Variants in CADM2 observed in about 807,000 individuals in gnomAD.
CADM2 encodes cell adhesion molecule 2.
In CADM2, 12 loss-of-function variants were observed where a neutral mutation model predicts 49.8. The ratio of observed to expected loss-of-function variants is 0.24; its 90% CI spans 0.15 to 0.39. The LOEUF is 0.39. CADM2 is among the 10% of genes least tolerant of loss of function. The pLI is 1.00. For synonymous variants in CADM2, 214 were observed against 175.4 expected (o/e 1.22, Z -1.74); for missense variants, 378 against 492.3 (o/e 0.77, Z 2.20).
chr3:85,394,633 TCATATAACCGTGGCTTATTTTATAGC>T (rs1358694325), intron 1 of CADM2, among the ~76,000 whole-genome samples: 4 of 152,208 alleles, frequency 2.6e-5, no homozygotes, highest in Non-Finnish European at 5.9e-5. Context: ...CTTATTGTAC[TCATATAACCGTGGCTTATTTTATAGC>T]CAGTTCACAT....
chr3:85,886,084 C>CTTGTCAAT, intron 4 of CADM2, 106 bp from the exon 5 acceptor site: 7 of 1,505,746 alleles, frequency 4.6e-6, no homozygotes, highest in Non-Finnish European at 6.3e-6. Flanking sequence ...GATCGAACTT[C>CTTGTCAAT]TTGTCAATTA....
At chr3:85,577,423 TTGCTCTCTCGCACG>T (rs932608039) in intron 1 of CADM2, among the ~76,000 whole-genome samples, 5 of 152,248 alleles carry the variant, frequency 3.3e-5, no homozygotes, top group Admixed American at 1.3e-4. Context: ...TCCTGCCCCG[TTGCTCTCTCGCACG>T]TGCTCTCTTG....
intron 8 of CADM2, among the ~76,000 whole-genome samples, chr3:86,061,046 C>T (rs1227743578): frequency 6.6e-6 from 1 of 151,040 alleles, no homozygotes; most frequent in Non-Finnish European, 1.5e-5. Flanking sequence ...AATATTTAAA[C>T]ATTTTCAATG....
At chr3:85,091,328 C>T (rs1467810723) in intron 1 of CADM2, among the ~76,000 whole-genome samples, 1 of 151,944 alleles carries the variant, frequency 6.6e-6, no homozygotes, top group East Asian at 1.9e-4. Flanking sequence ...TGTAAAGAAA[C>T]CCTATAGCTT....
intron 1 of CADM2, among the ~76,000 whole-genome samples, chr3:85,716,136 T>C (rs942543432): frequency 1.3e-5 from 2 of 152,340 alleles, no homozygotes; most frequent in African/African-American, 4.8e-5. Context: ...TGTAAAAGTG[T>C]TCCTATTTCT....
intron 8 of CADM2, among the ~76,000 whole-genome samples, chr3:86,024,900 T>G (rs1246750557): frequency 6.6e-6 from 1 of 151,748 alleles, no homozygotes; most frequent in Non-Finnish European, 1.5e-5. Context: ...TTTTCTTTCT[T>G]GAGACAGAGT....
intron 2 of CADM2, among the ~76,000 whole-genome samples, chr3:85,771,843 C>G (rs970175324): frequency 6.6e-6 from 1 of 151,968 alleles, no homozygotes; most frequent in African/African-American, 2.4e-5. Context: ...GGATTTTGCT[C>G]TTTCCCAAAA....
intron 1 of CADM2, among the ~76,000 whole-genome samples, chr3:85,438,917 G>A (rs1450169014): frequency 6.6e-6 from 1 of 151,828 alleles, no homozygotes; most frequent in Non-Finnish European, 1.5e-5. Context: ...TGAACTCTTG[G>A]GCTCAAGTGA....
intron 1 of CADM2, among the ~76,000 whole-genome samples, chr3:85,109,453 G>A (rs2038370423): frequency 6.6e-6 from 1 of 151,814 alleles, no homozygotes; most frequent in Non-Finnish European, 1.5e-5. Context: ...GAAAAGTAGG[G>A]GGGGAAATAG....
chr3:85,768,312 G>C (rs572310410), intron 2 of CADM2, among the ~76,000 whole-genome samples: 20 of 152,002 alleles, frequency 1.3e-4, no homozygotes, highest in South Asian at 6.2e-4. Context: ...CGGGTCTGGT[G>C]GTGGGCACCT....
intron 2 of CADM2, chr3:85,800,662 A>T (rs1329488606): frequency 6.6e-6 from 1 of 152,340 alleles, no homozygotes; most frequent in African/African-American, 2.4e-5. Flanking sequence ...TAGGGGAGGG[A>T]GTTCCCTGAC....
chr3:85,898,955 A>ATATTTT (rs1475991339), intron 5 of CADM2, among the ~76,000 whole-genome samples: 1 of 33,914 alleles, frequency 2.9e-5, no homozygotes, highest in African/African-American at 1.5e-4. Context: ...ATATATATAT[A>ATATTTT]TTTTTTTTTT....
chr3:85,529,392 C>T (rs1433945708), intron 1 of CADM2, among the ~76,000 whole-genome samples: 1 of 152,154 alleles, frequency 6.6e-6, no homozygotes, highest in Non-Finnish European at 1.5e-5. Context: ...GCATTTTGAG[C>T]CAGAGCAGAG....
intron 8 of CADM2, among the ~76,000 whole-genome samples, chr3:86,030,904 A>C (rs2107148258): frequency 6.6e-6 from 1 of 152,046 alleles, no homozygotes; most frequent in South Asian, 2.1e-4. Flanking sequence ...TTACTCAATA[A>C]GAGTAATTTG....
At chr3:85,930,886 T>A (rs1429974665) in intron 6 of CADM2, among the ~76,000 whole-genome samples, 1 of 149,976 alleles carries the variant, frequency 6.7e-6, no homozygotes, top group African/African-American at 2.4e-5. Flanking sequence ...TTAAGATTAA[T>A]TATATGTTAA....
chr3:85,342,631 G>C (rs1485677339), intron 1 of CADM2, among the ~76,000 whole-genome samples: 1 of 142,932 alleles, frequency 7.0e-6, no homozygotes, highest in Admixed American at 7.2e-5. Context: ...AAGGGTATTG[G>C]ATAAGATCTT....
chr3:85,942,649 A>G (rs1722090021), intron 7 of CADM2, among the ~76,000 whole-genome samples: 1 of 151,564 alleles, frequency 6.6e-6, no homozygotes, highest in African/African-American at 2.4e-5. Flanking sequence ...CCATGTCCCT[A>G]CAAAGGACAT....
intron 1 of CADM2, among the ~76,000 whole-genome samples, chr3:85,150,922 TA>T (rs1476626814): frequency 2.9e-5 from 4 of 137,136 alleles, no homozygotes. Context: ...AAAATAAAAA[TA>T]AATAATAATA....
At chr3:85,344,396 TA>T (rs1001323304) in intron 1 of CADM2, among the ~76,000 whole-genome samples, 1 of 148,214 alleles carries the variant, frequency 6.7e-6, no homozygotes, top group Non-Finnish European at 1.5e-5. Context: ...AATAAATAAA[TA>T]AATAAATAAA....
Sources: gnomAD v4.1 joint callset for allele counts (sites outside exome capture counted in the v4.1 genomes callset) on GRCh38, gnomAD v4.1.1 for gene constraint, MANE v1.5 for transcripts, NCBI Gene and HGNC (gene_info 2026-07-23, HGNC 2026-07-21) for gene names.